The following DNM3 variants were observed in gnomAD, a reference collection of about 807,000 sequenced individuals.
DNM3 encodes the protein dynamin 3, also known as dynamin-3.
In DNM3, 47 loss-of-function variants were observed where a neutral mutation model predicts 101.6. That is an observed-to-expected ratio of 0.46 (90% CI 0.37 to 0.59). The LOEUF (loss-of-function observed/expected upper bound fraction) is 0.59, where lower values mean the gene tolerates loss of function less well. DNM3 is among the 20% of genes least tolerant of loss of function. The pLI, the probability that DNM3 is intolerant of heterozygous loss-of-function variation, is 0.00. For missense variants in DNM3, 849 were observed against 1,085.7 expected (o/e 0.78, Z 3.06); for synonymous variants, 385 against 387.9 (o/e 0.99, Z 0.09).
chr1:172,152,768 T>C (rs2058185165), intron 14 of DNM3, among the ~76,000 whole-genome samples: 1 of 152,098 alleles, frequency 6.6e-6, no homozygotes, highest in Admixed American at 6.6e-5. Flanking sequence ...ATAGAGGAAT[T>C]TTAGTGAGTT....
In DNM3 at chr1:171,921,768, C is replaced by T. The variant is rs201627857; in HGVS notation, c.182C>T (p.Ser61Leu). 27 of 1,598,038 alleles carry T rather than the reference C, an allele frequency of 1.7e-5. No individual in the cohort carries two copies. The highest frequency in any genetic ancestry group is 1.1e-4 in the African/African-American group (8 of 74,748). Residue 61 changes from serine (S) to leucine (L), a missense_variant, in exon 2 of 21, where the codon TCG becomes TTG. Ser to Leu is a moderately radical substitution (Grantham distance 145, BLOSUM62 -2). Around this residue, in one of 5 missense-constraint regions of DNM3, gnomAD observed 388 missense variants for 483.0 expected, o/e 0.80. Transcript: ENST00000627582. ...TTTAGGGACTTTCTCCCTCGAGGGT[C>T]GGGCATTGTAACAAGACGACCTCTT... is the stretch of plus-strand genomic sequence containing the variant. ...FVGRDFLPRGSGIVTRRPLVL... is the reference protein window; with the variant it reads ...FVGRDFLPRGLGIVTRRPLVL...
intron 1 of DNM3, among the ~76,000 whole-genome samples, chr1:171,869,038 C>T (rs2035031517): frequency 6.6e-6 from 1 of 152,236 alleles, no homozygotes; most frequent in Non-Finnish European, 1.5e-5. Context: ...CTGCCTCAGC[C>T]TCCCAAAGTG....
chr1:172,340,774 C>T (rs12062442), intron 17 of DNM3, among the ~76,000 whole-genome samples: 1,649 of 152,246 alleles, frequency 0.011, 37 homozygotes, highest in African/African-American at 0.038. Context: ...ACTTCCTCTT[C>T]CTATTTGGAT....
chr1:171,912,149 T>G (rs1358118521), intron 1 of DNM3, among the ~76,000 whole-genome samples: 1 of 152,176 alleles, frequency 6.6e-6, no homozygotes, highest in Non-Finnish European at 1.5e-5. Context: ...TTTAGCATCC[T>G]GAGTTTTATT....
intron 20 of DNM3, chr1:172,399,674 C>T (rs139754950): frequency 1.2e-4 from 18 of 152,170 alleles, no homozygotes; most frequent in African/African-American, 3.9e-4. Flanking sequence ...AAAATTTGAG[C>T]TCTAAAGCAT....
At chr1:171,956,874 T>C (rs1341185631) in intron 2 of DNM3, among the ~76,000 whole-genome samples, 1 of 152,214 alleles carries the variant, frequency 6.6e-6, no homozygotes, top group Non-Finnish European at 1.5e-5. Flanking sequence ...CTACCAGGGC[T>C]TGGGACTTGC....
intron 16 of DNM3, chr1:172,310,238 GT>G (rs1192496262): frequency 6.6e-6 from 1 of 152,156 alleles, no homozygotes; most frequent in Non-Finnish European, 1.5e-5. Context: ...TGATGGTAGT[GT>G]GTTTAATTTC....
intron 14 of DNM3, among the ~76,000 whole-genome samples, chr1:172,182,532 G>T (rs479960): frequency 0.47 from 71,512 of 151,958 alleles, 17,985 homozygotes; most frequent in African/African-American, 0.64. Flanking sequence ...TCAATAAAAT[G>T]TTCTCCACAG....
At chr1:172,011,895 G>C (rs2047154298) in intron 4 of DNM3, among the ~76,000 whole-genome samples, 1 of 152,112 alleles carries the variant, frequency 6.6e-6, no homozygotes, top group Non-Finnish European at 1.5e-5. Flanking sequence ...GAACAATCAA[G>C]ACAAATTGAC....
chr1:172,371,225 A>G (rs1251744396), intron 17 of DNM3, among the ~76,000 whole-genome samples: 1 of 152,008 alleles, frequency 6.6e-6, no homozygotes, highest in Non-Finnish European at 1.5e-5. Context: ...GTCAGGGCTG[A>G]CAACTGAAAG....
intron 14 of DNM3, among the ~76,000 whole-genome samples, chr1:172,177,820 G>A (rs2059206408): frequency 6.6e-6 from 1 of 151,796 alleles, no homozygotes; most frequent in Non-Finnish European, 1.5e-5. Context: ...GTCTCCATTG[G>A]ATCTTCCTAA....
intron 15 of DNM3, among the ~76,000 whole-genome samples, chr1:172,276,687 T>A (rs1379144540): frequency 6.6e-6 from 1 of 151,756 alleles, no homozygotes; most frequent in Non-Finnish European, 1.5e-5. Context: ...ACCTTCAACC[T>A]GCTTCTGAGA....
chr1:172,212,149 A>G (rs570844574), intron 14 of DNM3, among the ~76,000 whole-genome samples: 2 of 152,304 alleles, frequency 1.3e-5, no homozygotes, highest in African/African-American at 4.8e-5. Flanking sequence ...TGAGAAAAAA[A>G]GGATATACAG....
intron 14 of DNM3, among the ~76,000 whole-genome samples, chr1:172,156,411 A>G (rs1187274349): frequency 6.6e-6 from 1 of 152,018 alleles, no homozygotes; most frequent in Admixed American, 6.6e-5. Flanking sequence ...GGTGCCTGCA[A>G]TTTATATTTT....
At chr1:172,040,282 A>G (rs977531524) in intron 7 of DNM3, among the ~76,000 whole-genome samples, 2 of 152,194 alleles carry the variant, frequency 1.3e-5, no homozygotes, top group African/African-American at 4.8e-5. Flanking sequence ...AACTAAATCC[A>G]ATTACAGTCT....
chr1:172,362,432 G>A (rs2067789579), intron 17 of DNM3, among the ~76,000 whole-genome samples: 1 of 151,802 alleles, frequency 6.6e-6, no homozygotes, highest in African/African-American at 2.4e-5. Flanking sequence ...TGATGTGCAT[G>A]GTTTGATTTG....
intron 15 of DNM3, among the ~76,000 whole-genome samples, chr1:172,279,756 A>G (rs1253830673): frequency 6.6e-6 from 1 of 152,104 alleles, no homozygotes; most frequent in African/African-American, 2.4e-5. Context: ...TTGGATATAT[A>G]TTTAGAATTC....
At chr1:172,066,702 T>A (rs1326446235) in intron 10 of DNM3, among the ~76,000 whole-genome samples, 1 of 152,226 alleles carries the variant, frequency 6.6e-6, no homozygotes, top group Non-Finnish European at 1.5e-5. Context: ...TAGCCTAATT[T>A]TCTTCAAATA....
intron 4 of DNM3, among the ~76,000 whole-genome samples, chr1:172,003,540 C>T (rs1193903343): frequency 2.6e-5 from 4 of 151,822 alleles, no homozygotes; most frequent in Non-Finnish European, 5.9e-5. Context: ...TCCCTCCTCT[C>T]CTGCCCCCTC....
Sources: gnomAD v4.1 joint callset for allele counts (sites outside exome capture counted in the v4.1 genomes callset) on GRCh38, gnomAD v4.1.1 for gene constraint, gnomAD v4.1.1 regional missense constraint, MANE v1.5 for transcripts, NCBI Gene and HGNC (gene_info 2026-07-23, HGNC 2026-07-21) for gene names.